The following ELMO1 variants were observed in gnomAD, a reference collection of about 807,000 sequenced individuals.
ELMO1 encodes the protein engulfment and cell motility protein 1.
In ELMO1, 26 loss-of-function variants were observed where a neutral mutation model predicts 98.9. The observed-to-expected ratio is 0.26, with a 90% CI of 0.19 to 0.36. The LOEUF is 0.36. Ranked by LOEUF, ELMO1 falls within the 10% of genes least tolerant of loss-of-function variation. The probability of loss-of-function intolerance (pLI) is 1.00; values close to 1 mark genes in which losing one functional copy is unlikely to be tolerated. For synonymous variants in ELMO1, 346 were observed against 346.0 expected, an observed-to-expected ratio of 1.00 and a Z score of 0.00; for missense variants, 627 against 935.2, an observed-to-expected ratio of 0.67 and a Z score of 4.30.
chr7:37,051,935 G>T (rs906174816), intron 15 of ELMO1, among the ~76,000 whole-genome samples: 2 of 152,154 alleles, frequency 1.3e-5, no homozygotes, highest in African/African-American at 2.4e-5. Context: ...ATTTGTTCAT[G>T]GGATTCAAAG....
chr7:36,929,282 C>G (rs767680500), intron 16 of ELMO1, among the ~76,000 whole-genome samples: 2 of 152,198 alleles, frequency 1.3e-5, no homozygotes, highest in Non-Finnish European at 2.9e-5. Context: ...TCAAGCTCCA[C>G]ATGAAAGTGC....
intron 21 of ELMO1, among the ~76,000 whole-genome samples, chr7:36,856,378 TG>T (rs1303676509): frequency 6.6e-6 from 1 of 152,206 alleles, no homozygotes; most frequent in African/African-American, 2.4e-5. Flanking sequence ...TTAAAATTAT[TG>T]GGCAATCTTA....
intron 4 of ELMO1, among the ~76,000 whole-genome samples, chr7:37,306,066 A>G (rs1243420712): frequency 1.3e-4 from 20 of 152,220 alleles, no homozygotes; most frequent in Admixed American, 1.2e-3. Flanking sequence ...CAAACAATTT[A>G]GGATTGGTAA....
intron 15 of ELMO1, among the ~76,000 whole-genome samples, chr7:37,069,162 T>C (rs1465499511): frequency 6.6e-6 from 1 of 152,020 alleles, no homozygotes; most frequent in Non-Finnish European, 1.5e-5. Flanking sequence ...AGAGCTCCAA[T>C]AAATGGTTAC....
chr7:36,959,853 G>C (rs1487864477), intron 16 of ELMO1, among the ~76,000 whole-genome samples: 3 of 152,030 alleles, frequency 2.0e-5, no homozygotes, highest in African/African-American at 7.2e-5. Flanking sequence ...CCTAATTTTT[G>C]CATTTTCAGT....
chr7:37,387,371 GGT>G (rs1291568682), intron 1 of ELMO1, among the ~76,000 whole-genome samples: 1 of 152,146 alleles, frequency 6.6e-6, no homozygotes, highest in East Asian at 1.9e-4. Flanking sequence ...CCTAGCTTCT[GGT>G]AGTTCCTTGG....
intron 13 of ELMO1, among the ~76,000 whole-genome samples, chr7:37,167,209 C>T (rs969175253): frequency 5.9e-5 from 9 of 151,714 alleles, no homozygotes; most frequent in African/African-American, 1.9e-4. Context: ...TCCTCCATCC[C>T]TTTATTTTGA....
In ELMO1 at chr7:37,280,072, G is replaced by A. The variant is rs532670846; in HGVS notation, c.193-8190C>T. ...AAATACTTATAACCAACTGATCTTC[G>A]ACAAAGCAAACAAAAACATAAAGTG... On this transcript the variant is annotated intron_variant, in intron 4 of 21. Coordinates refer to ENST00000310758, the MANE Select transcript of ELMO1 (RefSeq NM_014800.11). 1.2e-4 allele frequency among the ~76,000 whole-genome samples: 18 copies of A among 152,220 alleles called. 1 individual carries two copies. The highest frequency in any genetic ancestry group is 9.8e-4 in the Admixed American group (15 of 15,274).
chr7:36,921,072 G>C (rs898254255), intron 16 of ELMO1, among the ~76,000 whole-genome samples: 1 of 152,164 alleles, frequency 6.6e-6, no homozygotes, highest in African/African-American at 2.4e-5. Flanking sequence ...ATGTGAGGAC[G>C]CAAGAAGGCA....
intron 1 of ELMO1, among the ~76,000 whole-genome samples, chr7:37,423,303 G>C (rs1317220119): frequency 1.3e-5 from 2 of 152,230 alleles, no homozygotes; most frequent in Admixed American, 6.5e-5. Flanking sequence ...CAGTTGGCCG[G>C]GCGTGGTGGC....
intron 18 of ELMO1, among the ~76,000 whole-genome samples, chr7:36,884,487 G>C (rs1804760145): frequency 6.6e-6 from 1 of 152,072 alleles, no homozygotes; most frequent in Admixed American, 6.5e-5. Flanking sequence ...TTTGAAAGAC[G>C]AAGAAAGAGG....
chr7:37,042,182 T>C (rs965492474), intron 15 of ELMO1, among the ~76,000 whole-genome samples: 3 of 150,932 alleles, frequency 2.0e-5, no homozygotes, highest in Admixed American at 2.0e-4. Context: ...CTTTGGCTGT[T>C]TGAGTGAGAC....
At chr7:37,393,423 A>C (rs1055503183) in intron 1 of ELMO1, among the ~76,000 whole-genome samples, 1 of 152,194 alleles carries the variant, frequency 6.6e-6, no homozygotes, top group Admixed American at 6.5e-5. Flanking sequence ...TTTATAGTAA[A>C]TTATTTCACC....
intron 15 of ELMO1, among the ~76,000 whole-genome samples, chr7:37,018,530 G>A (rs1022929820): frequency 5.9e-5 from 9 of 151,680 alleles, no homozygotes; most frequent in African/African-American, 1.7e-4. Context: ...AGGCTGGGGT[G>A]CAAAGGTGCA....
At chr7:37,311,106 C>CA (rs1798868516) in intron 4 of ELMO1, among the ~76,000 whole-genome samples, 1 of 151,242 alleles carries the variant, frequency 6.6e-6, no homozygotes, top group Non-Finnish European at 1.5e-5. Flanking sequence ...GAGGCATTTC[C>CA]AAGCAATGCT....
chr7:37,336,217 C>T (rs531459651), intron 2 of ELMO1, among the ~76,000 whole-genome samples: 2 of 151,770 alleles, frequency 1.3e-5, no homozygotes, highest in African/African-American at 4.8e-5. Context: ...CACAGTGAGA[C>T]CCTGCGTCAA....
chr7:37,035,367 A>ATCATATTCAAGTCTATAGC (rs1795120553), intron 15 of ELMO1, among the ~76,000 whole-genome samples: 2 of 152,190 alleles, frequency 1.3e-5, no homozygotes, highest in African/African-American at 4.8e-5. Context: ...TTTTGGTTGG[A>ATCATATTCAAGTCTATAGC]TCATATTCAA....
At chr7:36,874,953 T>C (rs995620971) in intron 19 of ELMO1, among the ~76,000 whole-genome samples, 3 of 152,238 alleles carry the variant, frequency 2.0e-5, no homozygotes, top group Non-Finnish European at 2.9e-5. Context: ...TCAATCCTCA[T>C]GTGCACTATC....
chr7:37,085,861 C>T (rs1028792767), intron 15 of ELMO1, among the ~76,000 whole-genome samples: 2 of 152,198 alleles, frequency 1.3e-5, no homozygotes, highest in African/African-American at 4.8e-5. Context: ...TATGATGTTT[C>T]TCCTGCTATA....
Sources: allele counts gnomAD v4.1 joint callset (sites outside exome capture counted in the v4.1 genomes callset), GRCh38; gene constraint gnomAD v4.1.1; transcripts MANE v1.5; gene names NCBI Gene and HGNC (gene_info 2026-07-23, HGNC 2026-07-21).